The following NRXN3 variants were observed in gnomAD, a reference collection of about 807,000 sequenced individuals.
NRXN3 encodes neurexin III.
In NRXN3, 32 loss-of-function variants were observed where a neutral mutation model predicts 137.6. That is an observed-to-expected ratio of 0.23 (90% confidence interval 0.18 to 0.31). NRXN3 has a LOEUF of 0.31. NRXN3 is among the 10% of genes least tolerant of loss of function. NRXN3 has a pLI of 1.00. For synonymous variants in NRXN3, 798 were observed against 784.5 expected (o/e 1.02, Z -0.29); for missense variants, 1,574 against 2,062.5 (o/e 0.76, Z 4.59).
intron 4 of NRXN3, chr14:78,300,808 C>A: frequency 1.5e-6 from 1 of 687,906 alleles, no homozygotes; most frequent in South Asian, 1.9e-5. Context: ...ATGCTTTTAA[C>A]AACAACTGAA....
At chr14:79,767,924 G>A (rs149400396) in intron 19 of NRXN3, among the ~76,000 whole-genome samples, 419 of 152,304 alleles carry the variant, frequency 2.8e-3, no homozygotes, top group African/African-American at 6.0e-3. Context: ...TGCACCGTGC[G>A]CGAGCCAAAG....
intron 4 of NRXN3, among the ~76,000 whole-genome samples, chr14:78,636,209 G>A (rs1304204642): frequency 6.6e-6 from 1 of 152,100 alleles, no homozygotes; most frequent in African/African-American, 2.4e-5. Flanking sequence ...TAGAGCATGT[G>A]GCTTTTACTG....
At chr14:78,403,840 A>C in intron 4 of NRXN3, 1 of 985,396 alleles carries the variant, frequency 1.0e-6, no homozygotes, top group Non-Finnish European at 1.2e-6. Flanking sequence ...TGCACTCTGC[A>C]CTTCCATTCC....
intron 15 of NRXN3, among the ~76,000 whole-genome samples, chr14:79,462,199 C>A (rs1408850861): frequency 6.6e-6 from 1 of 151,622 alleles, no homozygotes; most frequent in Non-Finnish European, 1.5e-5. Context: ...CATGGTGAAA[C>A]CCCGTCTCTA....
intron 16 of NRXN3, among the ~76,000 whole-genome samples, chr14:79,483,783 G>GT (rs57040807): frequency 0.032 from 4,793 of 152,150 alleles, 244 homozygotes; most frequent in African/African-American, 0.11. Context: ...GTGTGTGTGT[G>GT]GGTGGGTGTG....
chr14:78,223,823 A>T (rs1372751200), intron 1 of NRXN3, among the ~76,000 whole-genome samples: 2 of 152,230 alleles, frequency 1.3e-5, no homozygotes, highest in African/African-American at 4.8e-5. Context: ...AAGGTAAGGT[A>T]TGGAGTCTAG....
At chr14:78,783,399 C>G (rs563220673) in intron 8 of NRXN3, among the ~76,000 whole-genome samples, 1 of 152,170 alleles carries the variant, frequency 6.6e-6, no homozygotes, top group Non-Finnish European at 1.5e-5. Flanking sequence ...GACTGAGGAA[C>G]TATTGTAGAC....
rs3899626 is a variant in NRXN3, at chr14:78,810,519, G to T, written c.2275+175G>T. Among the ~76,000 whole-genome samples, 863 of 152,042 alleles carry T rather than the reference G, an allele frequency of 5.7e-3. 4 individuals carry two copies. The highest frequency in any genetic ancestry group is 0.02 in the African/African-American group (825 of 41,442). ...GGGCTGGGTGAGGGTGAAGGGCTGA[G>T]TGTGGTTTTGGGTGTGGTTTCTGAA... On this transcript the variant is annotated intron_variant, in intron 10 of 20. Transcript: ENST00000335750.
intron 2 of NRXN3, among the ~76,000 whole-genome samples, chr14:78,253,531 C>A (rs2068987472): frequency 6.6e-6 from 1 of 152,004 alleles, no homozygotes; most frequent in Non-Finnish European, 1.5e-5. Flanking sequence ...AAAAATTAGC[C>A]AGGCAAAGTG....
intron 6 of NRXN3, among the ~76,000 whole-genome samples, chr14:78,658,332 CAG>C (rs1431294064): frequency 6.6e-6 from 1 of 152,138 alleles, no homozygotes; most frequent in Non-Finnish European, 1.5e-5. Flanking sequence ...TCTATAAAGA[CAG>C]AGACTAATAC....
chr14:78,370,865 G>T (rs1229383078), intron 4 of NRXN3, among the ~76,000 whole-genome samples: 2 of 152,142 alleles, frequency 1.3e-5, no homozygotes, highest in South Asian at 2.1e-4. Context: ...GGATGAAGCT[G>T]TTTCTACATT....
intron 4 of NRXN3, among the ~76,000 whole-genome samples, chr14:78,344,342 A>C (rs1378208559): frequency 6.6e-6 from 1 of 152,232 alleles, no homozygotes; most frequent in Non-Finnish European, 1.5e-5. Flanking sequence ...GAGGGCCCAC[A>C]AATAAAGCAG....
intron 4 of NRXN3, among the ~76,000 whole-genome samples, chr14:78,482,092 C>G (rs895725389): frequency 2.6e-5 from 4 of 152,074 alleles, no homozygotes; most frequent in African/African-American, 9.7e-5. Context: ...GAGTTTTGAC[C>G]AAAGAGCTAA....
chr14:78,880,509 A>G (rs138137438), intron 10 of NRXN3, among the ~76,000 whole-genome samples: 2,204 of 152,180 alleles, frequency 0.014, 31 homozygotes, highest in Admixed American at 0.042. Flanking sequence ...GAGGAGACCA[A>G]AGAAACTGAT....
chr14:78,274,880 C>T (rs1308679682), intron 2 of NRXN3, among the ~76,000 whole-genome samples: 2 of 152,102 alleles, frequency 1.3e-5, no homozygotes, highest in Non-Finnish European at 2.9e-5. Flanking sequence ...TACTTTTTCC[C>T]CCTGAATATT....
At chr14:79,421,628 A>G (rs1291172015) in intron 15 of NRXN3, among the ~76,000 whole-genome samples, 1 of 152,184 alleles carries the variant, frequency 6.6e-6, no homozygotes, top group African/African-American at 2.4e-5. Context: ...GTTTAATATT[A>G]GGAGACGTTG....
chr14:78,347,505 C>T (rs1045941925), intron 4 of NRXN3, among the ~76,000 whole-genome samples: 1 of 152,090 alleles, frequency 6.6e-6, no homozygotes, highest in African/African-American at 2.4e-5. Context: ...GCTGTTGCCA[C>T]GCTGAAATTT....
At chr14:78,248,628 A>T (rs911684990) in intron 2 of NRXN3, among the ~76,000 whole-genome samples, 10 of 151,842 alleles carry the variant, frequency 6.6e-5, no homozygotes, top group Non-Finnish European at 1.3e-4. Flanking sequence ...GAACCCGGTC[A>T]TTTCCTCTCC....
chr14:79,773,465 C>A (rs1339440882), intron 19 of NRXN3, among the ~76,000 whole-genome samples: 1 of 152,046 alleles, frequency 6.6e-6, no homozygotes, highest in Non-Finnish European at 1.5e-5. Context: ...AGGATGAGTT[C>A]ATGTCCTTTG....
Sources: gnomAD v4.1 joint callset for allele counts (sites outside exome capture counted in the v4.1 genomes callset) on GRCh38, gnomAD v4.1.1 for gene constraint, MANE v1.5 for transcripts, NCBI Gene and HGNC (gene_info 2026-07-23, HGNC 2026-07-21) for gene names.